Variants in GPD1L observed in about 807,000 individuals in gnomAD.
The protein encoded by GPD1L is glycerol-3-phosphate dehydrogenase 1 like, also known as glycerol-3-phosphate dehydrogenase 1-like protein.
Under a neutral mutation model 32.9 loss-of-function variants are expected in GPD1L, and 17 were observed. The observed-to-expected ratio is 0.52, with a 90% CI of 0.35 to 0.78. The LOEUF is 0.78. Among genes scored for constraint, GPD1L ranks in the 30% least tolerant of loss-of-function variants. The pLI, the probability that GPD1L is intolerant of heterozygous loss-of-function variation, is 0.01. For synonymous variants in GPD1L, 187 were observed against 165.9 expected (o/e 1.13, Z -0.98); for missense variants, 361 against 447.8 (o/e 0.81, Z 1.75).
At chr3:32,136,542 C>T (rs1222623777) in intron 2 of GPD1L, among the ~76,000 whole-genome samples, 1 of 152,116 alleles carries the variant, frequency 6.6e-6, no homozygotes, top group Non-Finnish European at 1.5e-5. Flanking sequence ...TGGAAGTCCT[C>T]CACACCTCCT....
chr3:32,110,844 T>C (rs922087818), intron 1 of GPD1L, among the ~76,000 whole-genome samples: 5 of 152,260 alleles, frequency 3.3e-5, no homozygotes, highest in African/African-American at 1.2e-4. Context: ...CTTTCAAAGA[T>C]GAAACAGTTT....
At chr3:32,134,011 C>T (rs1575113430) in intron 2 of GPD1L, among the ~76,000 whole-genome samples, 1 of 152,362 alleles carries the variant, frequency 6.6e-6, no homozygotes, top group South Asian at 2.1e-4. Flanking sequence ...GTTTGTCCTA[C>T]TTGCCATTGA....
chr3:32,147,326 AGG>A (rs1700844972), intron 5 of GPD1L, among the ~76,000 whole-genome samples: 1 of 152,168 alleles, frequency 6.6e-6, no homozygotes, highest in African/African-American at 2.4e-5. Context: ...CTTTGATTGG[AGG>A]TGTATTTTTG....
At chr3:32,164,981 G>A (rs1575124689) in intron 7 of GPD1L, among the ~76,000 whole-genome samples, 1 of 152,136 alleles carries the variant, frequency 6.6e-6, no homozygotes, top group Non-Finnish European at 1.5e-5. Flanking sequence ...CGAGGTGGGT[G>A]GATCATGAGG....
At chr3:32,115,185 T>C (rs1383306099) in intron 1 of GPD1L, among the ~76,000 whole-genome samples, 1 of 152,148 alleles carries the variant, frequency 6.6e-6, no homozygotes, top group African/African-American at 2.4e-5. Flanking sequence ...ATGCATTTTA[T>C]AGAGTGCTGA....
intron 1 of GPD1L, among the ~76,000 whole-genome samples, chr3:32,126,178 G>C (rs1700504833): frequency 1.3e-5 from 2 of 152,168 alleles, no homozygotes; most frequent in Non-Finnish European, 2.9e-5. Context: ...CTGGGTGACA[G>C]AGTGAGATCC....
chr3:32,149,572 C>T (rs991477403), intron 5 of GPD1L, among the ~76,000 whole-genome samples: 1 of 152,190 alleles, frequency 6.6e-6, no homozygotes, highest in Non-Finnish European at 1.5e-5. Flanking sequence ...TTACTACCTT[C>T]GGAATGTCCT....
intron 5 of GPD1L, 37 bp downstream of exon 5, chr3:32,146,771 G>C (rs1450854225): frequency 8.5e-7 from 1 of 1,181,430 alleles, no homozygotes; most frequent in African/African-American, 1.5e-5. Flanking sequence ...CATCAAGCAA[G>C]GCAAATGTTA....
chr3:32,163,158 G>A lies in GPD1L; in HGVS notation c.960-2656G>A, dbSNP rs1701094252. Among the ~76,000 whole-genome samples, 6 of 124,984 alleles carry A rather than the reference G, an allele frequency of 4.8e-5. No individual in the cohort carries two copies. The South Asian group carries it at 1.3e-3, about 28-fold the overall frequency. 82.0% of individuals were successfully genotyped at this position (124,984 alleles called of 152,430 possible). On this transcript the variant is annotated intron_variant, in intron 7 of 7. Coordinates refer to ENST00000282541, the MANE Select transcript of GPD1L (RefSeq NM_015141.4). ...AGTGGGATAGCTGGCTGACTGGTTT[G>A]TCCTTTTTTTTTTTTTTTTTTTTTT...
intron 2 of GPD1L, 72 bp from the exon 3 acceptor site, chr3:32,138,515 T>C: frequency 7.2e-7 from 1 of 1,384,236 alleles, no homozygotes. Context: ...AAATGGTCAG[T>C]GAGTGAAACC....
At chr3:32,164,779 CAT>C (rs143277130) in intron 7 of GPD1L, among the ~76,000 whole-genome samples, 11,953 of 152,244 alleles carry the variant, frequency 0.079, 570 homozygotes, top group Middle Eastern at 0.11. Flanking sequence ...CTCATAAAGA[CAT>C]GTGATCTATT....
rs1217102327 is a variant in GPD1L, at chr3:32,128,185, A to G, written c.157A>G (p.Thr53Ala). The change falls in exon 2 of 8, where the codon ACA (threonine) becomes GCA (alanine). Residue 53 changes from threonine to alanine, a missense_variant. Transcript: ENST00000282541. ...FEETVNGRKL[T>A]DIINNDHENV... The stretch of plus-strand genomic sequence containing the variant: ...AGAAACAGTGAATGGCAGAAAACTG[A>G]CAGACATCATAAATAATGACCATGA... 1.2e-6 allele frequency: 2 copies of G among 1,613,256 alleles called. No homozygotes were observed.
chr3:32,140,106 A>C, intron 3 of GPD1L, 122 bp from the exon 4 acceptor site: 1 of 930,528 alleles, frequency 1.1e-6, no homozygotes, highest in Non-Finnish European at 1.8e-6. Flanking sequence ...TAGGCAGTAT[A>C]GATGCTTTTA....
intron 5 of GPD1L, among the ~76,000 whole-genome samples, chr3:32,158,084 C>A (rs1701019866): frequency 6.6e-6 from 1 of 152,186 alleles, no homozygotes; most frequent in Non-Finnish European, 1.5e-5. Context: ...GCCAGGGTGT[C>A]CATGGCAGCA....
intron 1 of GPD1L, among the ~76,000 whole-genome samples, chr3:32,121,777 A>ATG (rs1370831169): frequency 7.2e-6 from 1 of 137,940 alleles, no homozygotes; most frequent in East Asian, 2.3e-4. Flanking sequence ...CTATATATAT[A>ATG]TATATTTTTT....
At chr3:32,164,373 C>T (rs975807874) in intron 7 of GPD1L, among the ~76,000 whole-genome samples, 4 of 152,170 alleles carry the variant, frequency 2.6e-5, no homozygotes, top group East Asian at 1.9e-4. Flanking sequence ...TGCCCCTTGC[C>T]GTGCATGGTG....
intron 2 of GPD1L, among the ~76,000 whole-genome samples, chr3:32,130,733 C>T (rs566051028): frequency 2.1e-5 from 3 of 145,360 alleles, no homozygotes; most frequent in Admixed American, 1.6e-4. Flanking sequence ...CACTTTGGGA[C>T]CGAGCGCAGT....
At chr3:32,117,449 A>G (rs1700347378) in intron 1 of GPD1L, among the ~76,000 whole-genome samples, 1 of 152,200 alleles carries the variant, frequency 6.6e-6, no homozygotes, top group Non-Finnish European at 1.5e-5. Context: ...ATTACCTAGC[A>G]TGTCTGGTGT....
At chr3:32,151,069 A>G (rs575587410) in intron 5 of GPD1L, 154 of 336,526 alleles carry the variant, frequency 4.6e-4, no homozygotes, top group Middle Eastern at 3.2e-3. Flanking sequence ...CACCCAGCCT[A>G]TTTTTCACAC....
Sources: allele counts gnomAD v4.1 joint callset (sites outside exome capture counted in the v4.1 genomes callset), GRCh38; gene constraint gnomAD v4.1.1; transcripts MANE v1.5; gene names NCBI Gene and HGNC (gene_info 2026-07-23, HGNC 2026-07-21).